DOT1L: variants seen among roughly 807,000 people sequenced by gnomAD.
The protein encoded by DOT1L is DOT1 like histone lysine methyltransferase.
Under a neutral mutation model 153.3 loss-of-function variants are expected in DOT1L, and 33 were observed. That is an observed-to-expected ratio of 0.22 (90% confidence interval 0.16 to 0.29). The LOEUF is 0.29. Ranked by LOEUF, DOT1L falls within the 10% of genes least tolerant of loss-of-function variation. DOT1L has a pLI of 1.00. For synonymous variants in DOT1L, 1,135 were observed against 965.1 expected (o/e 1.18, Z -3.26); for missense variants, 1,847 against 2,119.9 (o/e 0.87, Z 2.53).
rs540283322 is a variant in DOT1L, at chr19:2,173,201, G to A, written c.82-7512G>A. On this transcript the variant is annotated intron_variant, in intron 1 of 27. Transcript: ENST00000398665. The stretch of plus-strand genomic sequence containing the variant: ...CCGCGCTTTCCTCCTTCCCTGTCAC[G>A]CTGTGGCTTTAGGAGGCCCACGAGT... Among the ~76,000 whole-genome samples, 9 of 151,818 alleles carry A rather than the reference G, an allele frequency of 5.9e-5. No homozygotes were observed. The South Asian group carries it at 1.9e-3, about 32-fold the overall frequency.
chr19:2,166,590 T>C (rs1362240770), intron 1 of DOT1L, among the ~76,000 whole-genome samples: 1 of 151,912 alleles, frequency 6.6e-6, no homozygotes, highest in Non-Finnish European at 1.5e-5. Context: ...TTTGTATTTT[T>C]AGTAGATACC....
intron 9 of DOT1L, among the ~76,000 whole-genome samples, chr19:2,205,292 C>T (rs907143542): frequency 4.6e-5 from 7 of 152,134 alleles, no homozygotes; most frequent in Admixed American, 4.6e-4. Context: ...TTTATGATTA[C>T]CTTCTTTATA....
intron 27 of DOT1L, 99 bp from the exon 28 acceptor site, chr19:2,229,686 T>C: frequency 1.2e-6 from 2 of 1,605,622 alleles, no homozygotes; most frequent in South Asian, 2.2e-5. Flanking sequence ...GTGGCGTGTG[T>C]GCTCGTGGGA....
rs1462331052 is a variant in DOT1L, at chr19:2,214,293, G to C, written c.1798-178G>C. On this transcript the variant is annotated intron_variant, in intron 18 of 27. Coordinates refer to ENST00000398665, the MANE Select transcript of DOT1L (RefSeq NM_032482.3). Reference sequence around the variant, plus strand: ...TGCTGGAGCTGCCTCATCTGTCCGTGGGGGGCCCCAGTCTCCGCGTGTTCC... The same window carrying C: ...TGCTGGAGCTGCCTCATCTGTCCGTCGGGGGCCCCAGTCTCCGCGTGTTCC... 9.1e-6 allele frequency: 10 copies of C among 1,097,224 alleles called. No individual in the cohort carries two copies. The Admixed American group carries it at 2.8e-4, about 31-fold the overall frequency. The allele number at this position is 1,097,224 out of a possible 1,614,324, so 68.0% of individuals were successfully genotyped here. A position where few individuals can be genotyped will look rare whatever the true frequency, so the allele number is the denominator to read the frequency against.
At chr19:2,179,807 A>C (rs1368683234) in intron 1 of DOT1L, among the ~76,000 whole-genome samples, 1 of 152,182 alleles carries the variant, frequency 6.6e-6, no homozygotes, top group Non-Finnish European at 1.5e-5. Flanking sequence ...AAACAAACAG[A>C]AAAAAGACAT....
chr19:2,185,329 G>A (rs1328334570), intron 2 of DOT1L, among the ~76,000 whole-genome samples: 3 of 152,190 alleles, frequency 2.0e-5, no homozygotes, highest in South Asian at 2.1e-4. Flanking sequence ...GTGTGGCCTC[G>A]AAGCCACGTA....
At position 2,164,274 on chromosome 19, in the gene DOT1L, C is replaced by A; in HGVS notation, c.81+9C>A. On this transcript the variant is annotated intron_variant, in intron 1 of 27. Transcript: ENST00000398665. ...GGCCGCTGCCGGTCTACGTGAGTGC[C>A]GCCCTCCACCGTCCCTACCTCCCGG... 2 of 1,261,432 alleles carry A rather than the reference C, an allele frequency of 1.6e-6. No homozygotes were observed. The highest frequency in any genetic ancestry group is 3.1e-5 in the East Asian group (1 of 32,504). The allele number at this position is 1,261,432 out of a possible 1,614,324, so 78.1% of individuals were successfully genotyped here.
At chr19:2,189,390 G>A (rs1271992460) in intron 3 of DOT1L, among the ~76,000 whole-genome samples, 1 of 152,164 alleles carries the variant, frequency 6.6e-6, no homozygotes, top group Non-Finnish European at 1.5e-5. Flanking sequence ...CCCACTTGGG[G>A]GGCTGGCCTC....
Position 2,213,558 on chromosome 19 carries a change from T to A in DOT1L, c.1577T>A (p.Leu526Gln). ...GQEKEKNAQL[L>Q]GAAQQLLSHC... is the part of the protein sequence containing the mutation. ...CTACAGGAGAAGAACGCCCAGCTCCTGGGTGCGGCTCAGCAGCTCCTCAGC... is the reference window on the plus strand; with the variant it reads ...CTACAGGAGAAGAACGCCCAGCTCCAGGGTGCGGCTCAGCAGCTCCTCAGC... Residue 526 changes from leucine to glutamine, a missense_variant, in exon 17 of 28, where the codon CTG (leucine) becomes CAG (glutamine). By Grantham distance (113) the Leu-to-Gln change is moderately radical (BLOSUM62 -2). Coordinates refer to ENST00000398665, the MANE Select transcript of DOT1L (RefSeq NM_032482.3). 1 of 1,613,148 alleles carries A rather than the reference T, an allele frequency of 6.2e-7. No homozygotes were observed. Among genetic ancestry groups the A allele is most frequent in the Non-Finnish European group, 8.5e-7 (1 of 1,179,956 alleles).
intron 6 of DOT1L, among the ~76,000 whole-genome samples, chr19:2,194,168 T>TTTTTG (rs1296730199): frequency 5.9e-5 from 9 of 152,134 alleles, no homozygotes; most frequent in Admixed American, 3.3e-4. Context: ...TTGTTGTTTT[T>TTTTTG]TTTTGTTTTG....
chr19:2,185,974 G>C (rs746044805), intron 3 of DOT1L, 45 bp downstream of exon 3: 3 of 1,581,450 alleles, frequency 1.9e-6, no homozygotes, highest in Admixed American at 3.3e-5. Flanking sequence ...GGACAGACTC[G>C]GCTCTTGGGG....
At chr19:2,206,608 C>T (rs886562765) in intron 9 of DOT1L, 121 bp from the exon 10 acceptor site, 4 of 878,666 alleles carry the variant, frequency 4.6e-6, no homozygotes, top group Admixed American at 3.6e-5. Context: ...GGCAGGTGGA[C>T]AGGACCCGGA....
At chr19:2,168,546 A>G (rs1486972532) in intron 1 of DOT1L, among the ~76,000 whole-genome samples, 1 of 152,056 alleles carries the variant, frequency 6.6e-6, no homozygotes, top group African/African-American at 2.4e-5. Context: ...CGCAAGGGGG[A>G]GGAAGGGAGA....
intron 7 of DOT1L, among the ~76,000 whole-genome samples, chr19:2,196,951 GTGC>G (rs753463653): frequency 2.0e-5 from 3 of 151,990 alleles, no homozygotes; most frequent in Non-Finnish European, 2.9e-5. Flanking sequence ...TGTCAGCGCG[GTGC>G]TGTGGTTTCT....
At chr19:2,167,623 G>C (rs890555650) in intron 1 of DOT1L, among the ~76,000 whole-genome samples, 4 of 152,210 alleles carry the variant, frequency 2.6e-5, no homozygotes, top group Non-Finnish European at 5.9e-5. Flanking sequence ...CCAAGTGCCA[G>C]AGGCAGCCTT....
At position 2,191,367 on chromosome 19, in the gene DOT1L, TC is replaced by T; in HGVS notation, c.493+130del. On this transcript the variant is annotated intron_variant, in intron 5 of 27. Coordinates refer to ENST00000398665, the MANE Select transcript of DOT1L (RefSeq NM_032482.3). This position sits in a 1 kb window ranked among gnomAD's most constrained non-coding sequence, Gnocchi z 6.8. ...CGTTGGCGTGGACAGTGCTTCCTTC[TC>T]CCAGCGCCTCTGTCCCGCTGTGGGG... 1.1e-6 allele frequency: 1 copy of T among 942,248 alleles called. No homozygotes were observed. Among genetic ancestry groups the T allele is most frequent in the Non-Finnish European group, 1.6e-6 (1 of 614,444 alleles). The allele number at this position is 942,248 out of a possible 1,614,324, so 58.4% of individuals were successfully genotyped here. A position where few individuals can be genotyped will look rare whatever the true frequency, so the allele number is the denominator to read the frequency against.
At chr19:2,210,596 C>A in intron 13 of DOT1L, 25 bp from the exon 14 acceptor site, 1 of 1,607,856 alleles carries the variant, frequency 6.2e-7, no homozygotes. Context: ...TGTGCCCATC[C>A]CTGTTCTTCC....
In DOT1L at chr19:2,220,017, G is replaced by T. The variant is rs1398229814; in HGVS notation, c.2692-91G>T. On this transcript the variant is annotated intron_variant, in intron 22 of 27. Coordinates refer to ENST00000398665, the MANE Select transcript of DOT1L (RefSeq NM_032482.3). The surrounding 1 kb of genome is among the most constrained non-coding windows in gnomAD (Gnocchi z 4.5). ...TGACCCCGGCGGCCTCCCCCAGCCA[G>T]CTGCAGGCCTCAACACTCACTGTTT... 2 of 1,234,482 alleles carry T rather than the reference G, an allele frequency of 1.6e-6. No homozygotes were observed. The highest frequency in any genetic ancestry group is 2.3e-6 in the Non-Finnish European group (2 of 887,106). The allele number at this position is 1,234,482 out of a possible 1,614,324, so 76.5% of individuals were successfully genotyped here.
At position 2,217,879 on chromosome 19, in the gene DOT1L, C is replaced by T. The variant is rs1423829510; in HGVS notation, c.2652C>T (p.Pro884=). 5 of 1,612,394 alleles carry T rather than the reference C, an allele frequency of 3.1e-6. No homozygotes were observed. Among genetic ancestry groups the T allele is most frequent in the Non-Finnish European group, 4.2e-6 (5 of 1,179,714 alleles). ...VQPNKLPVSI[P]LASVVLPSRA... ...CCAACAAGCTCCCGGTCAGCATTCC[C>T]CTGGCCAGCGTGGTGCTGCCCAGCC... is the stretch of plus-strand genomic sequence containing the variant. The change falls in exon 22 of 28, where the codon CCC becomes CCT. Residue 884 remains proline, a synonymous_variant. Coordinates refer to ENST00000398665, the MANE Select transcript of DOT1L (RefSeq NM_032482.3). This position sits in a 1 kb window ranked among gnomAD's most constrained non-coding sequence, Gnocchi z 7.3.
Sources: gnomAD v4.1 joint callset for allele counts (sites outside exome capture counted in the v4.1 genomes callset) on GRCh38, gnomAD v4.1.1 for gene constraint, Gnocchi (gnomAD v3.1) non-coding constraint, MANE v1.5 for transcripts, NCBI Gene and HGNC (gene_info 2026-07-23, HGNC 2026-07-21) for gene names.